The following TDRP variants were observed in gnomAD, a reference collection of about 807,000 sequenced individuals.
TDRP encodes the protein testis development related protein, also known as testis development-related protein.
In TDRP, 12 loss-of-function variants were observed where a neutral mutation model predicts 10.5. The observed-to-expected ratio is 1.15, with a 90% confidence interval of 0.73 to 1.86. The LOEUF is 1.86. TDRP is among the 40% of genes most tolerant of loss of function. The probability of loss-of-function intolerance (pLI) is 0.00; values close to 1 mark genes in which losing one functional copy is unlikely to be tolerated. For synonymous variants in TDRP, 139 were observed against 95.4 expected (o/e 1.46, Z -2.67); for missense variants, 353 against 229.2 (o/e 1.54, Z -3.49).
intron 1 of TDRP, among the ~76,000 whole-genome samples, chr8:504,578 C>T (rs893291519): frequency 2.6e-5 from 4 of 152,188 alleles, no homozygotes; most frequent in African/African-American, 9.7e-5. Context: ...GATTCGCAGA[C>T]AGTGCAAACC....
chr8:506,102 T>G (rs1007102779), intron 1 of TDRP, among the ~76,000 whole-genome samples: 1 of 152,150 alleles, frequency 6.6e-6, no homozygotes, highest in Non-Finnish European at 1.5e-5. Context: ...CAGAGCCACA[T>G]GAACACTATT....
chr8:502,383 T>G (rs1039687661), intron 1 of TDRP, among the ~76,000 whole-genome samples: 11 of 152,206 alleles, frequency 7.2e-5, no homozygotes, highest in African/African-American at 2.7e-4. Context: ...CGCAGCCGTG[T>G]TCACCAAATT....
At chr8:506,001 C>T (rs956780897) in intron 1 of TDRP, among the ~76,000 whole-genome samples, 1 of 152,166 alleles carries the variant, frequency 6.6e-6, no homozygotes, top group Admixed American at 6.5e-5. Flanking sequence ...GCATGGACAT[C>T]ACTGTGGCCT....
intron 1 of TDRP, among the ~76,000 whole-genome samples, chr8:516,329 A>C (rs541077215): frequency 6.6e-6 from 1 of 152,350 alleles, no homozygotes; most frequent in Admixed American, 6.5e-5. Context: ...TGAGAGGAAA[A>C]GCCATAGACT....
At chr8:536,312 G>A (rs996200445) in intron 1 of TDRP, among the ~76,000 whole-genome samples, 4 of 152,218 alleles carry the variant, frequency 2.6e-5, no homozygotes, top group African/African-American at 9.6e-5. Flanking sequence ...GAGTCTGGGA[G>A]AAGATTCTAG....
chr8:542,369 C>A (rs1231806606), intron 1 of TDRP, among the ~76,000 whole-genome samples: 2 of 151,714 alleles, frequency 1.3e-5, no homozygotes, highest in African/African-American at 4.9e-5. Context: ...GTGAGCCCTC[C>A]CAGGTGAGGA....
chr8:491,636 A>C lies in TDRP; in HGVS notation c.*763T>G. On this transcript the variant is annotated 3_prime_UTR_variant, in exon 3 of 3. Coordinates refer to ENST00000324079, the MANE Select transcript of TDRP (RefSeq NM_001384899.1). ...AAGACAATGTTTCCTAAATGAAATT[A>C]TCAACTGACTAAAATTGATCCATAC... The C allele has an allele frequency of 6.5e-7, 1 of 1,532,360 alleles. No homozygotes were observed. The highest frequency in any genetic ancestry group is 1.2e-5 in the South Asian group (1 of 82,896). 94.9% of individuals were successfully genotyped at this position (1,532,360 alleles called of 1,614,324 possible).
chr8:502,043 G>A (rs149882593), intron 1 of TDRP, among the ~76,000 whole-genome samples: 24 of 152,318 alleles, frequency 1.6e-4, no homozygotes, highest in Middle Eastern at 6.8e-3. Flanking sequence ...ACAGGCCCCA[G>A]GCCTCTTCTT....
At chr8:516,947 CA>C (rs1344378781) in intron 1 of TDRP, among the ~76,000 whole-genome samples, 3 of 152,126 alleles carry the variant, frequency 2.0e-5, no homozygotes, top group African/African-American at 4.8e-5. Context: ...ACTATCAAGC[CA>C]TGAAAAGACA....
intron 1 of TDRP, among the ~76,000 whole-genome samples, chr8:520,625 T>C (rs554636622): frequency 2.6e-5 from 4 of 152,368 alleles, no homozygotes; most frequent in South Asian, 4.1e-4. Flanking sequence ...GCTTTTTTGA[T>C]TGTAGCCATA....
chr8:519,687 T>C (rs1228516384), intron 1 of TDRP, among the ~76,000 whole-genome samples: 1 of 151,938 alleles, frequency 6.6e-6, no homozygotes, highest in Non-Finnish European at 1.5e-5. Flanking sequence ...AAAATAATAA[T>C]GAGGTGTGAC....
At chr8:496,797 G>C (rs1043468273) in intron 1 of TDRP, among the ~76,000 whole-genome samples, 2 of 152,178 alleles carry the variant, frequency 1.3e-5, no homozygotes, top group Non-Finnish European at 2.9e-5. Context: ...GGAGATGACT[G>C]GATCATGGGG....
chr8:492,038 G>C lies in TDRP; in HGVS notation c.*361C>G. On this transcript the variant is annotated 3_prime_UTR_variant, in exon 3 of 3. Transcript: ENST00000324079. ...CGTGCTACATACAAGAAAAAGGTAC[G>C]GAAGTTCTGAAACAGAACTACAACA... 8.9e-7 allele frequency: 1 copy of C among 1,118,152 alleles called. No homozygotes were observed. The highest frequency in any genetic ancestry group is 5.2e-5 in the East Asian group (1 of 19,384). The allele number at this position is 1,118,152 out of a possible 1,614,324, so 69.3% of individuals were successfully genotyped here. A position where few individuals can be genotyped will look rare whatever the true frequency, so the allele number is the denominator to read the frequency against.
At chr8:526,024 TC>T (rs529555040) in intron 1 of TDRP, among the ~76,000 whole-genome samples, 10 of 152,342 alleles carry the variant, frequency 6.6e-5, no homozygotes, top group African/African-American at 2.4e-4. Flanking sequence ...GGTTCAAACT[TC>T]ACAGGTTGTA....
intron 2 of TDRP, among the ~76,000 whole-genome samples, chr8:493,993 G>GT (rs68057437): frequency 0.097 from 10,325 of 106,142 alleles, 1,210 homozygotes; most frequent in African/African-American, 0.23. Context: ...CATTTCTGTT[G>GT]TTTTTTTTTT....
chr8:494,780 G>A (rs1461994286), intron 1 of TDRP, among the ~76,000 whole-genome samples, 183 bp from the exon 2 acceptor site: 1 of 152,078 alleles, frequency 6.6e-6, no homozygotes, highest in Admixed American at 6.5e-5. Context: ...CAGCTGTTTT[G>A]GTATTGTGGT....
At chr8:515,606 A>C (rs2116801154) in intron 1 of TDRP, among the ~76,000 whole-genome samples, 1 of 152,318 alleles carries the variant, frequency 6.6e-6, no homozygotes, top group East Asian at 1.9e-4. Context: ...CTGTACTATC[A>C]AAATAAATGA....
intron 1 of TDRP, among the ~76,000 whole-genome samples, chr8:512,705 G>C (rs1801651668): frequency 6.6e-6 from 1 of 152,084 alleles, no homozygotes; most frequent in African/African-American, 2.4e-5. Flanking sequence ...CAGGTGCAGT[G>C]GTCTCATGCC....
At chr8:505,958 C>A (rs867707923) in intron 1 of TDRP, among the ~76,000 whole-genome samples, 1 of 152,140 alleles carries the variant, frequency 6.6e-6, no homozygotes, top group South Asian at 2.1e-4. Flanking sequence ...GGTCCCTAAG[C>A]AGCAGGGTAG....
Sources: allele counts gnomAD v4.1 joint callset (sites outside exome capture counted in the v4.1 genomes callset), GRCh38; gene constraint gnomAD v4.1.1; transcripts MANE v1.5; gene names NCBI Gene and HGNC (gene_info 2026-07-23, HGNC 2026-07-21).